The following MEGF11 variants were observed in gnomAD, a reference collection of about 807,000 sequenced individuals.
The protein encoded by MEGF11 is multiple EGF like domains 11.
In MEGF11, 126 loss-of-function variants were observed where a neutral mutation model predicts 146.6. That is an observed-to-expected ratio of 0.86 (90% CI 0.74 to 1.00). MEGF11 has a LOEUF of 1.00. MEGF11 is among the 50% of genes least tolerant of loss of function. MEGF11 has a pLI of 0.00. For missense variants in MEGF11, 1,509 were observed against 1,521.2 expected (o/e 0.99, Z 0.13); for synonymous variants, 532 against 583.4 (o/e 0.91, Z 1.27).
chr15:66,129,902 A>C (rs1303655970), intron 1 of MEGF11, among the ~76,000 whole-genome samples: 1 of 152,228 alleles, frequency 6.6e-6, no homozygotes, highest in Non-Finnish European at 1.5e-5. Context: ...TCTGACTGAA[A>C]TGCAGATTTA....
chr15:66,046,852 C>G (rs2084225342), intron 5 of MEGF11, among the ~76,000 whole-genome samples: 1 of 152,192 alleles, frequency 6.6e-6, no homozygotes, highest in Admixed American at 6.5e-5. Flanking sequence ...CCAAGGCTCA[C>G]CTGTGTACAA....
intron 1 of MEGF11, among the ~76,000 whole-genome samples, chr15:66,200,216 T>C (rs1389274943): frequency 6.6e-6 from 1 of 152,286 alleles, no homozygotes; most frequent in African/African-American, 2.4e-5. Flanking sequence ...AGCTAGGCCC[T>C]GCTTTACGGA....
intron 8 of MEGF11, among the ~76,000 whole-genome samples, chr15:65,967,442 T>A (rs11638947): frequency 0.063 from 9,487 of 151,624 alleles, 423 homozygotes; most frequent in Non-Finnish European, 0.093. Flanking sequence ...AAAAGCAATT[T>A]AAAAAAAAAT....
chr15:66,198,425 T>C (rs7181467), intron 1 of MEGF11, among the ~76,000 whole-genome samples: 60,346 of 152,174 alleles, frequency 0.4, 12,415 homozygotes, highest in East Asian at 0.59. Flanking sequence ...TCACCACCCA[T>C]GTGATCTCAA....
intron 1 of MEGF11, among the ~76,000 whole-genome samples, chr15:66,171,293 CAG>C: frequency 6.6e-6 from 1 of 152,306 alleles, no homozygotes; most frequent in East Asian, 1.9e-4. Flanking sequence ...GTCAAAAAGA[CAG>C]AGAATCGGGG....
At chr15:66,146,321 G>A (rs898995931) in intron 1 of MEGF11, among the ~76,000 whole-genome samples, 3 of 152,104 alleles carry the variant, frequency 2.0e-5, no homozygotes, top group Non-Finnish European at 4.4e-5. Context: ...CCCCTCTCCC[G>A]GCTGCAAGGG....
intron 5 of MEGF11, among the ~76,000 whole-genome samples, chr15:66,093,028 C>T (rs1276815943): frequency 4.6e-5 from 7 of 152,224 alleles, no homozygotes; most frequent in Admixed American, 1.3e-4. Flanking sequence ...CTTTATTTAG[C>T]TCACCTGTGC....
intron 1 of MEGF11, among the ~76,000 whole-genome samples, chr15:66,145,774 C>A (rs2089349061): frequency 6.6e-6 from 1 of 152,164 alleles, no homozygotes; most frequent in African/African-American, 2.4e-5. Flanking sequence ...TGGTCTGAAC[C>A]ACAAACCAGC....
At chr15:66,114,606 A>T (rs1207975083) in intron 4 of MEGF11, among the ~76,000 whole-genome samples, 1 of 152,242 alleles carries the variant, frequency 6.6e-6, no homozygotes, top group Non-Finnish European at 1.5e-5. Context: ...TGCAGAGGCA[A>T]AAATGCCTCT....
intron 1 of MEGF11, among the ~76,000 whole-genome samples, chr15:66,169,982 G>A (rs2141110018): frequency 6.6e-6 from 1 of 151,284 alleles, no homozygotes; most frequent in East Asian, 2.0e-4. Context: ...ATTTTGGGGT[G>A]TCAGATGTAA....
rs934084036 is a variant in MEGF11 at position 65,982,238 on chromosome 15, T to C, written c.641+4A>G. Reference sequence around the variant, plus strand: ...GCCCCTCCAGGTCCTGCCGCATGACTCACTAGACGCCGGTGTAGCCAGGTG... The same window carrying C: ...GCCCCTCCAGGTCCTGCCGCATGACCCACTAGACGCCGGTGTAGCCAGGTG... On this transcript the variant is annotated splice_donor_region_variant and intron_variant, in intron 6 of 25. Coordinates refer to ENST00000395614, the MANE Select transcript of MEGF11 (RefSeq NM_001385028.1). The surrounding 1 kb of genome is among the most constrained non-coding windows in gnomAD (Gnocchi z 5.6). 1.4e-5 allele frequency: 19 copies of C among 1,374,344 alleles called. No individual in the cohort carries two copies. Among genetic ancestry groups the C allele is most frequent in the Middle Eastern group, 2.2e-4 (1 of 4,502 alleles). The allele number at this position is 1,374,344 out of a possible 1,614,324, so 85.1% of individuals were successfully genotyped here. A position where few individuals can be genotyped will look rare whatever the true frequency, so the allele number is the denominator to read the frequency against.
chr15:65,902,969 G>A (rs1383103086), intron 24 of MEGF11, among the ~76,000 whole-genome samples: 1 of 152,254 alleles, frequency 6.6e-6, no homozygotes, highest in East Asian at 1.9e-4. Flanking sequence ...CAACTTAACT[G>A]TCAGGGAAAA....
intron 1 of MEGF11, among the ~76,000 whole-genome samples, chr15:66,182,355 C>T (rs894831460): frequency 6.6e-6 from 1 of 152,136 alleles, no homozygotes; most frequent in African/African-American, 2.4e-5. Flanking sequence ...TCGGGGCCCA[C>T]ACCAGAGGGA....
At chr15:66,071,839 T>C (rs1255496355) in intron 5 of MEGF11, among the ~76,000 whole-genome samples, 1 of 152,160 alleles carries the variant, frequency 6.6e-6, no homozygotes, top group Admixed American at 6.5e-5. Flanking sequence ...GCAATATGTG[T>C]CATCTGCATT....
At chr15:66,001,177 G>A (rs376131371) in intron 5 of MEGF11, among the ~76,000 whole-genome samples, 27 of 152,220 alleles carry the variant, frequency 1.8e-4, no homozygotes, top group African/African-American at 6.5e-4. Context: ...TGTTGGAGAG[G>A]CTCCCTGCTG....
chr15:65,958,548 C>T (rs1481260571), intron 9 of MEGF11, among the ~76,000 whole-genome samples: 1 of 152,212 alleles, frequency 6.6e-6, no homozygotes. Flanking sequence ...GGCCACATTT[C>T]CCCTGCGCCA....
chr15:66,217,502 C>T (rs1027362696), intron 1 of MEGF11, among the ~76,000 whole-genome samples: 4 of 152,220 alleles, frequency 2.6e-5, no homozygotes, highest in African/African-American at 9.6e-5. Context: ...GTTAAAAAGA[C>T]CCTCTGTATC....
At chr15:65,991,892 C>A (rs939066952) in intron 5 of MEGF11, among the ~76,000 whole-genome samples, 1 of 152,170 alleles carries the variant, frequency 6.6e-6, no homozygotes, top group Non-Finnish European at 1.5e-5. Flanking sequence ...CAATGTCAAA[C>A]AATTATCAAG....
intron 5 of MEGF11, among the ~76,000 whole-genome samples, chr15:66,011,907 G>C (rs2082722538): frequency 6.6e-6 from 1 of 152,130 alleles, no homozygotes; most frequent in African/African-American, 2.4e-5. Context: ...CATAAATTAT[G>C]TATGTATTAT....
Sources: allele counts gnomAD v4.1 joint callset (sites outside exome capture counted in the v4.1 genomes callset), GRCh38; gene constraint gnomAD v4.1.1; non-coding constraint Gnocchi (gnomAD v3.1); transcripts MANE v1.5; gene names NCBI Gene and HGNC (gene_info 2026-07-23, HGNC 2026-07-21).